Variants in PCLO observed in about 807,000 individuals in gnomAD.
PCLO encodes the protein protein piccolo.
In PCLO, 82 loss-of-function variants were observed where a neutral mutation model predicts 427.5. That is an observed-to-expected ratio of 0.19 (90% CI 0.16 to 0.23). PCLO has a LOEUF of 0.23. Ranked by LOEUF, PCLO falls within the 10% of genes least tolerant of loss-of-function variation. The pLI is 1.00. For missense variants in PCLO, 6,239 were observed against 6,115.9 expected (o/e 1.02, Z -0.67); for synonymous variants, 2,357 against 2,155.4 (o/e 1.09, Z -2.59).
intron 2 of PCLO, among the ~76,000 whole-genome samples, chr7:83,143,611 AG>A (rs1791919164): frequency 6.6e-6 from 1 of 151,532 alleles, no homozygotes; most frequent in Non-Finnish European, 1.5e-5. Flanking sequence ...AAGTGATAAA[AG>A]CATATTTTAA....
At chr7:82,868,747 A>G (rs924200243) in intron 10 of PCLO, among the ~76,000 whole-genome samples, 21 of 152,110 alleles carry the variant, frequency 1.4e-4, no homozygotes, top group Admixed American at 1.2e-3. Context: ...CTGTGTTACC[A>G]CTGATTCATT....
intron 22 of PCLO, among the ~76,000 whole-genome samples, chr7:82,777,288 C>T (rs374933624): frequency 2.6e-5 from 4 of 152,116 alleles, no homozygotes; most frequent in African/African-American, 4.8e-5. Context: ...CCCATGCTCA[C>T]GGATAGGGAG....
chr7:82,861,407 T>A (rs1409610336), intron 10 of PCLO, among the ~76,000 whole-genome samples: 1 of 151,922 alleles, frequency 6.6e-6, no homozygotes, highest in Non-Finnish European at 1.5e-5. Flanking sequence ...ACAAAGAAGT[T>A]CACTATATAA....
Position 83,055,056 on chromosome 7 carries a change from G to A in PCLO, c.3300+79194C>T, listed in dbSNP as rs547592100. On this transcript the variant is annotated intron_variant, in intron 3 of 24. Transcript: ENST00000333891. ...TCCTCACAACAGAAAATCTCCTGAA[G>A]GATTTGTAAATTACTGCACTGTTAT... Among the ~76,000 whole-genome samples, 118 of 152,118 alleles carry A rather than the reference G, an allele frequency of 7.8e-4. 1 individual carries two copies. The highest frequency in any genetic ancestry group is 2.8e-3 in the African/African-American group (115 of 41,538).
At chr7:82,927,707 A>T (rs1225434841) in intron 6 of PCLO, among the ~76,000 whole-genome samples, 4 of 152,126 alleles carry the variant, frequency 2.6e-5, no homozygotes, top group Admixed American at 2.6e-4. Context: ...CTCACTGCTT[A>T]TTCATTCTTG....
At chr7:83,134,193 A>C (rs941481655) in intron 3 of PCLO, 57 bp downstream of exon 3, 5 of 541,120 alleles carry the variant, frequency 9.2e-6, no homozygotes, top group Non-Finnish European at 1.3e-5. Context: ...TTTCAAAATA[A>C]ACCCACAGAC....
intron 3 of PCLO, among the ~76,000 whole-genome samples, chr7:83,127,076 G>A (rs1791455808): frequency 1.3e-5 from 2 of 151,784 alleles, no homozygotes; most frequent in Non-Finnish European, 1.5e-5. Context: ...TTTTACTACC[G>A]CTTTGTTTAT....
At chr7:82,856,402 C>T (rs367716799) in intron 10 of PCLO, among the ~76,000 whole-genome samples, 4 of 152,208 alleles carry the variant, frequency 2.6e-5, no homozygotes, top group East Asian at 3.9e-4. Flanking sequence ...TTCTAATCAC[C>T]GTGACCACTA....
chr7:82,827,527 T>C (rs1428852588), intron 17 of PCLO, among the ~76,000 whole-genome samples: 2 of 152,048 alleles, frequency 1.3e-5, no homozygotes, highest in African/African-American at 4.8e-5. Flanking sequence ...TGTATGAAAG[T>C]CAAAATATAG....
intron 3 of PCLO, among the ~76,000 whole-genome samples, chr7:83,015,046 G>A (rs1392112450): frequency 1.3e-5 from 2 of 152,062 alleles, no homozygotes; most frequent in Admixed American, 6.6e-5. Context: ...TTTTTCAAAT[G>A]AGGAAACTGA....
chr7:82,937,494 A>G (rs959576716), intron 6 of PCLO, among the ~76,000 whole-genome samples: 1 of 151,718 alleles, frequency 6.6e-6, no homozygotes, highest in African/African-American at 2.4e-5. Context: ...ACTATTCAAA[A>G]TCTTTGGTAT....
chr7:83,076,550 A>ACCG (rs1008712205), intron 3 of PCLO, among the ~76,000 whole-genome samples: 46 of 151,576 alleles, frequency 3.0e-4, no homozygotes, highest in African/African-American at 1.1e-3. Flanking sequence ...GGCCTGAGCC[A>ACCG]CCGCACCTGG....
rs746054139 is a variant in PCLO, at chr7:83,134,242, T to TATATATATATATATAA, written c.3300+7_3300+8insTTATATATATATATAT. 3.6e-5 allele frequency: 39 copies of TATATATATATATATAA among 1,068,992 alleles called. No individual in the cohort carries two copies. The highest frequency in any genetic ancestry group is 2.5e-4 in the Middle Eastern group (1 of 3,972). 66.2% of individuals were successfully genotyped at this position (1,068,992 alleles called of 1,614,324 possible). On this transcript the variant is annotated splice_region_variant and intron_variant, in intron 3 of 24. Transcript: ENST00000333891. ...TAATATATATATATATATATATATA[T>TATATATATATATATAA]AACTTACCTCAGTCAAATGTGGTGT...
At chr7:82,882,760 T>G (rs1793538864) in intron 9 of PCLO, among the ~76,000 whole-genome samples, 1 of 152,110 alleles carries the variant, frequency 6.6e-6, no homozygotes, top group African/African-American at 2.4e-5. Context: ...ATTATAAGTA[T>G]TTGATAAATA....
At chr7:83,049,590 C>T (rs1050806067) in intron 3 of PCLO, among the ~76,000 whole-genome samples, 2 of 152,134 alleles carry the variant, frequency 1.3e-5, no homozygotes, top group Non-Finnish European at 2.9e-5. Flanking sequence ...GGTCTAGGGT[C>T]TGGGGGCTTT....
chr7:82,956,101 T>C lies in PCLO; in HGVS notation c.4852A>G (p.Ser1618Gly), dbSNP rs750102563. Residue 1618 changes from serine to glycine, a missense_variant, in exon 5 of 25, where the codon AGC becomes GGC. Coordinates refer to ENST00000333891, the MANE Select transcript of PCLO (RefSeq NM_033026.6). Reference protein sequence around the residue: ...HRRLTRKSSTSIDEDAGRRHS... With the variant: ...HRRLTRKSSTGIDEDAGRRHS... ...CGTCTTCCTGCATCTTCATCAATGC[T>C]TGTGCTACTTTTTCGAGTCAGTCGT... The C allele has an allele frequency of 2.5e-6, 4 of 1,610,856 alleles. No individual in the cohort carries two copies. The Admixed American group carries it at 6.7e-5, about 27-fold the overall frequency.
intron 22 of PCLO, among the ~76,000 whole-genome samples, chr7:82,763,544 G>T (rs923624196): frequency 6.6e-6 from 1 of 151,972 alleles, no homozygotes; most frequent in African/African-American, 2.4e-5. Flanking sequence ...ATTTAATTTT[G>T]TCACATTTTG....
intron 7 of PCLO, among the ~76,000 whole-genome samples, chr7:82,911,548 T>C (rs966735034): frequency 6.6e-6 from 1 of 152,130 alleles, no homozygotes; most frequent in Non-Finnish European, 1.5e-5. Context: ...ATAAACAGTT[T>C]AATTCTTCTC....
In PCLO at chr7:83,156,113, A is replaced by C; in HGVS notation, c.528T>G (p.Phe176Leu). The C allele has an allele frequency of 6.2e-7, 1 of 1,613,810 alleles. No individual in the cohort carries two copies. The highest frequency in any genetic ancestry group is 1.3e-5 in the African/African-American group (1 of 74,960). Residue 176 changes from phenylalanine (F) to leucine (L), a missense_variant, in exon 2 of 25, where the codon TTT becomes TTG. Transcript: ENST00000333891. The part of the protein sequence containing the change: ...VSSVVNKFNP[F>L]DLISDSEASQ... ...ATGCCTCAGAGTCTGATATCAAATCAAAAGGGTTGAATTTATTTACAACAG... is the reference window on the plus strand; with the variant it reads ...ATGCCTCAGAGTCTGATATCAAATCCAAAGGGTTGAATTTATTTACAACAG...
Sources: gnomAD v4.1 joint callset for allele counts (sites outside exome capture counted in the v4.1 genomes callset) on GRCh38, gnomAD v4.1.1 for gene constraint, MANE v1.5 for transcripts, NCBI Gene and HGNC (gene_info 2026-07-23, HGNC 2026-07-21) for gene names.